The following SSBP3 variants were observed in gnomAD, a reference collection of about 807,000 sequenced individuals.
SSBP3 encodes the protein single stranded DNA binding protein 3.
Under a neutral mutation model 69.6 loss-of-function variants are expected in SSBP3, and 5 were observed. The observed-to-expected ratio is 0.07, with a 90% confidence interval of 0.04 to 0.15. SSBP3 has a LOEUF of 0.15. Among genes scored for constraint, SSBP3 ranks in the 10% least tolerant of loss-of-function variants. The pLI, the probability that SSBP3 is intolerant of heterozygous loss-of-function variation, is 1.00. For synonymous variants in SSBP3, 196 were observed against 193.4 expected, an observed-to-expected ratio of 1.01 and a Z score of -0.11; for missense variants, 312 against 534.0, an observed-to-expected ratio of 0.58 and a Z score of 4.10.
In SSBP3 at chr1:54,288,945, G is replaced by T. The variant is rs767337437; in HGVS notation, c.277-7418C>A. Among the ~76,000 whole-genome samples, 3 of 148,932 alleles carry T rather than the reference G, an allele frequency of 2.0e-5. No individual in the cohort carries two copies. In the Admixed American group the frequency reaches 2.0e-4, roughly 10 times the overall value. ...TGAGGCAGGAGACTCGCGTGAACCC[G>T]GGAGGTGGAGCTTGCAGTGAGCCGA... On this transcript the variant is annotated intron_variant, in intron 4 of 17. Transcript: ENST00000610401.
At chr1:54,273,143 C>G (rs1257292515) in intron 5 of SSBP3, among the ~76,000 whole-genome samples, 1 of 152,252 alleles carries the variant, frequency 6.6e-6, no homozygotes, top group Non-Finnish European at 1.5e-5. Context: ...GCTTTGTTAC[C>G]GAGCAAATCT....
intron 13 of SSBP3, among the ~76,000 whole-genome samples, chr1:54,240,115 C>CGT (rs1557449180): frequency 2.7e-3 from 7 of 2,602 alleles, no homozygotes; most frequent in East Asian, 0.013. Context: ...CGTGCGCGCG[C>CGT]GCGCGCAACA....
At chr1:54,308,647 A>C (rs1645944212) in intron 4 of SSBP3, among the ~76,000 whole-genome samples, 1 of 151,804 alleles carries the variant, frequency 6.6e-6, no homozygotes, top group Non-Finnish European at 1.5e-5. Flanking sequence ...GCACACCTGT[A>C]ATCCCTGTCA....
chr1:54,375,391 G>A (rs1387629924), intron 4 of SSBP3, among the ~76,000 whole-genome samples: 1 of 152,108 alleles, frequency 6.6e-6, no homozygotes, highest in South Asian at 2.1e-4. Context: ...AAGATGTGTG[G>A]TGGACCAGCC....
At chr1:54,345,907 C>T (rs868751637) in intron 4 of SSBP3, among the ~76,000 whole-genome samples, 11 of 151,088 alleles carry the variant, frequency 7.3e-5, no homozygotes, top group Admixed American at 2.0e-4. Context: ...TTTGGGAGGC[C>T]GACGCGGGTG....
intron 4 of SSBP3, among the ~76,000 whole-genome samples, chr1:54,368,454 G>A (rs1034697560): frequency 4.0e-5 from 6 of 151,178 alleles, no homozygotes; most frequent in Non-Finnish European, 8.8e-5. Flanking sequence ...ATTGCCAACT[G>A]GACCCATAGT....
At chr1:54,284,441 G>A (rs988463122) in intron 4 of SSBP3, among the ~76,000 whole-genome samples, 1 of 145,126 alleles carries the variant, frequency 6.9e-6, no homozygotes, top group African/African-American at 2.5e-5. Flanking sequence ...TGAGGATCTA[G>A]ACTAAGGGTA....
At chr1:54,237,128 C>G (rs1644508203) in intron 14 of SSBP3, 1 of 152,176 alleles carries the variant, frequency 6.6e-6, no homozygotes, top group South Asian at 2.1e-4. Flanking sequence ...ATCAACATAC[C>G]TAAGAGCTAG....
At chr1:54,288,983 G>C (rs12034687) in intron 4 of SSBP3, among the ~76,000 whole-genome samples, 28,669 of 136,288 alleles carry the variant, frequency 0.21, 3,894 homozygotes, top group East Asian at 0.76. Context: ...TCGTGCCACT[G>C]CACTCCAGCC....
chr1:54,376,242 C>T (rs1647232731), intron 4 of SSBP3, among the ~76,000 whole-genome samples: 1 of 152,078 alleles, frequency 6.6e-6, no homozygotes, highest in Non-Finnish European at 1.5e-5. Flanking sequence ...GTATAGTGGC[C>T]CTGAGGCCTT....
At chr1:54,292,297 CAA>C (rs1287583308) in intron 4 of SSBP3, among the ~76,000 whole-genome samples, 1 of 152,240 alleles carries the variant, frequency 6.6e-6, no homozygotes, top group Admixed American at 6.5e-5. Flanking sequence ...CAGACTGACA[CAA>C]GAGAGGACTA....
intron 14 of SSBP3, among the ~76,000 whole-genome samples, chr1:54,229,728 A>G (rs535151819): frequency 7.0e-4 from 106 of 152,298 alleles, no homozygotes; most frequent in African/African-American, 2.5e-3. Flanking sequence ...CCTGTGATGC[A>G]GACTGCATCT....
intron 9 of SSBP3, among the ~76,000 whole-genome samples, chr1:54,249,745 C>T (rs2026046): frequency 0.48 from 71,108 of 148,518 alleles, 17,577 homozygotes; most frequent in African/African-American, 0.6. Context: ...AATATTTTAA[C>T]TTTTAAAAAA....
At chr1:54,235,448 A>ATTTTTTTTTTTTTTTTTTTTTTTTTTTT (rs71580002) in intron 14 of SSBP3, among the ~76,000 whole-genome samples, 3 of 69,920 alleles carry the variant, frequency 4.3e-5, no homozygotes, top group African/African-American at 1.3e-4. Flanking sequence ...TGCCCGGCTG[A>ATTTTTTTTTTTTTTTTTTTTTTTTTTTT]TTTTTTTTTT....
intron 4 of SSBP3, among the ~76,000 whole-genome samples, chr1:54,322,159 A>C (rs189599962): frequency 3.2e-4 from 48 of 152,278 alleles, no homozygotes; most frequent in African/African-American, 1.1e-3. Context: ...AAGTCTCCAC[A>C]ATTTCTCTTG....
chr1:54,372,465 G>A (rs1359318742), intron 4 of SSBP3, among the ~76,000 whole-genome samples: 12 of 151,992 alleles, frequency 7.9e-5, no homozygotes, highest in Admixed American at 1.3e-4. Flanking sequence ...AGCAGCCAGC[G>A]ACTCCCCTCT....
At position 54,250,345 on chromosome 1, in the gene SSBP3, G is replaced by A. The variant is rs2100702665; in HGVS notation, c.651+1271C>T. On this transcript the variant is annotated intron_variant, in intron 9 of 17. Transcript: ENST00000610401. ...CACCACAGATGTTCCAACCACCACAGAGAAGAAAGCGGTGGCTTGGGCTTG... is the reference window on the plus strand; with the variant it reads ...CACCACAGATGTTCCAACCACCACAAAGAAGAAAGCGGTGGCTTGGGCTTG... 2.0e-5 allele frequency among the ~76,000 whole-genome samples: 3 copies of A among 152,360 alleles called. No individual in the cohort carries two copies. The South Asian group carries it at 6.2e-4, about 32-fold the overall frequency.
At chr1:54,348,673 G>A (rs141647277) in intron 4 of SSBP3, among the ~76,000 whole-genome samples, 32 of 152,308 alleles carry the variant, frequency 2.1e-4, no homozygotes, top group Middle Eastern at 3.4e-3. Context: ...GGTTCTACAC[G>A]CTGCCTCACC....
At chr1:54,396,211 AAAAAAAAAC>A (rs1227848582) in intron 4 of SSBP3, among the ~76,000 whole-genome samples, 9 of 150,148 alleles carry the variant, frequency 6.0e-5, no homozygotes, top group South Asian at 4.2e-4. Flanking sequence ...AAAAAAAAAA[AAAAAAAAAC>A]AACCCCATTA....
Sources: allele counts gnomAD v4.1 joint callset (sites outside exome capture counted in the v4.1 genomes callset), GRCh38; gene constraint gnomAD v4.1.1; transcripts MANE v1.5; gene names NCBI Gene and HGNC (gene_info 2026-07-23, HGNC 2026-07-21).